The following SUPT3H variants were observed in gnomAD, a reference collection of about 807,000 sequenced individuals.
The protein encoded by SUPT3H is SPT3 homolog, SAGA and STAGA complex component.
A neutral mutation model predicts 44.3 loss-of-function variants in SUPT3H; 44 were observed. That is an observed-to-expected ratio of 0.99 (90% CI 0.78 to 1.28). The LOEUF (loss-of-function observed/expected upper bound fraction) is 1.28. SUPT3H is among the 50% of genes most tolerant of loss of function. The probability of loss-of-function intolerance (pLI) is 0.00; values close to 1 mark genes in which losing one functional copy is unlikely to be tolerated. For missense variants in SUPT3H, 380 were observed against 387.1 expected (o/e 0.98, Z 0.15); for synonymous variants, 124 against 125.6 (o/e 0.99, Z 0.09).
At chr6:44,821,330 T>C (rs1180930937) in intron 11 of SUPT3H, among the ~76,000 whole-genome samples, 2 of 152,228 alleles carry the variant, frequency 1.3e-5, no homozygotes, top group Non-Finnish European at 2.9e-5. Flanking sequence ...ATACCATTAA[T>C]GTGATAATTG....
chr6:44,867,140 T>C (rs1218130299), intron 10 of SUPT3H, among the ~76,000 whole-genome samples: 1 of 151,856 alleles, frequency 6.6e-6, no homozygotes, highest in Non-Finnish European at 1.5e-5. Context: ...CAGTTACTTA[T>C]AAAGGAAGAT....
At chr6:45,369,953 A>C (rs563498961) in intron 1 of SUPT3H, among the ~76,000 whole-genome samples, 237 of 152,330 alleles carry the variant, frequency 1.6e-3, no homozygotes, top group African/African-American at 5.4e-3. Flanking sequence ...GGCTAGAAAG[A>C]TATGAACACA....
At chr6:45,214,882 G>A (rs144760578) in intron 2 of SUPT3H, among the ~76,000 whole-genome samples, 4 of 152,128 alleles carry the variant, frequency 2.6e-5, no homozygotes, top group East Asian at 1.9e-4. Context: ...ACCCCCTCAC[G>A]ACCGAGAGTC....
intron 3 of SUPT3H, among the ~76,000 whole-genome samples, chr6:45,053,914 CA>C (rs56734466): frequency 0.048 from 3,839 of 79,656 alleles, 176 homozygotes; most frequent in African/African-American, 0.15. Context: ...GACTCCGTCT[CA>C]AAAAAAAAAA....
intron 2 of SUPT3H, among the ~76,000 whole-genome samples, chr6:45,320,471 G>T (rs1285979782): frequency 6.6e-6 from 1 of 150,826 alleles, no homozygotes; most frequent in Non-Finnish European, 1.5e-5. Context: ...TAGACATGGG[G>T]TCTCACCATG....
intron 10 of SUPT3H, among the ~76,000 whole-genome samples, chr6:44,881,158 A>C (rs201398168): frequency 6.6e-6 from 1 of 152,268 alleles, no homozygotes; most frequent in African/African-American, 2.4e-5. Flanking sequence ...CTCATGTGCA[A>C]AGACACAAAA....
At chr6:45,004,923 C>T (rs1020270747) in intron 5 of SUPT3H, among the ~76,000 whole-genome samples, 18 of 152,232 alleles carry the variant, frequency 1.2e-4, no homozygotes, top group Admixed American at 3.3e-4. Flanking sequence ...CACAGCTTTC[C>T]AGCCAATCCC....
At chr6:45,015,489 T>C (rs1784110104) in intron 4 of SUPT3H, among the ~76,000 whole-genome samples, 1 of 152,080 alleles carries the variant, frequency 6.6e-6, no homozygotes, top group South Asian at 2.1e-4. Context: ...CCTAGGACAT[T>C]ACTGCATGCT....
chr6:44,856,007 C>T (rs923192180), intron 10 of SUPT3H, among the ~76,000 whole-genome samples: 4 of 152,100 alleles, frequency 2.6e-5, no homozygotes, highest in South Asian at 2.1e-4. Context: ...ACAGGAAGTT[C>T]GGTCCTCTTT....
intron 2 of SUPT3H, among the ~76,000 whole-genome samples, chr6:45,211,520 G>A (rs1053827869): frequency 2.0e-5 from 3 of 151,968 alleles, no homozygotes; most frequent in South Asian, 2.1e-4. Flanking sequence ...CATCTCCTTC[G>A]GTATTTGTCC....
At chr6:44,847,958 C>CTTTTTTTTTTTT (rs969869912) in intron 10 of SUPT3H, among the ~76,000 whole-genome samples, 2 of 58,348 alleles carry the variant, frequency 3.4e-5, no homozygotes, top group African/African-American at 1.4e-4. Context: ...ATCTCTGTGT[C>CTTTTTTTTTTTT]TTTTTTTTTT....
chr6:44,887,300 A>T (rs985781321), intron 10 of SUPT3H, among the ~76,000 whole-genome samples: 1 of 152,160 alleles, frequency 6.6e-6, no homozygotes, highest in Non-Finnish European at 1.5e-5. Flanking sequence ...CCCACTGCAA[A>T]TCAACAGAAT....
In SUPT3H at chr6:45,094,601, T is replaced by G. The variant is rs539804504; in HGVS notation, c.186+11321A>C. On this transcript the variant is annotated intron_variant, in intron 3 of 10. Coordinates refer to ENST00000371459, the MANE Select transcript of SUPT3H (RefSeq NM_003599.4). ...TTAGCAAACTATCCATGGCAATTGGTGGGGAGAATGTAGCATAAGAGGCAT... is the reference window on the plus strand; with the variant it reads ...TTAGCAAACTATCCATGGCAATTGGGGGGGAGAATGTAGCATAAGAGGCAT... Among the ~76,000 whole-genome samples the G allele has an allele frequency of 4.1e-4, 63 of 152,086 alleles. 1 individual carries two copies. Among genetic ancestry groups the G allele is most frequent in the African/African-American group, 1.4e-3 (59 of 41,534 alleles).
chr6:45,231,659 A>C (rs1427219047), intron 2 of SUPT3H, among the ~76,000 whole-genome samples: 1 of 152,140 alleles, frequency 6.6e-6, no homozygotes, highest in Non-Finnish European at 1.5e-5. Flanking sequence ...AGGAAGTTTT[A>C]ATCTATTAAT....
rs561381487 is a variant in SUPT3H at position 45,020,719 on chromosome 6, C to G, written c.187-87G>C. Reference sequence around the variant, plus strand: ...TGATGTCTCTAAAGAGATAAATATACTAAGAGTTAAAAACCTTTGGGAAAT... The same window carrying G: ...TGATGTCTCTAAAGAGATAAATATAGTAAGAGTTAAAAACCTTTGGGAAAT... On this transcript the variant is annotated intron_variant, in intron 3 of 10. Transcript: ENST00000371459. 2.5e-5 allele frequency: 22 copies of G among 869,814 alleles called. No individual in the cohort carries two copies. The South Asian group carries it at 2.8e-4, about 11-fold the overall frequency. The allele number at this position is 869,814 out of a possible 1,614,324, so 53.9% of individuals were successfully genotyped here.
chr6:44,812,452 T>C (rs1044321681), intron 11 of SUPT3H, among the ~76,000 whole-genome samples: 13 of 152,234 alleles, frequency 8.5e-5, no homozygotes, highest in Non-Finnish European at 4.4e-5. Context: ...TCTTCTGCTT[T>C]TAAGAGCTCA....
chr6:45,312,287 T>A (rs1345325900), intron 2 of SUPT3H, among the ~76,000 whole-genome samples: 1 of 152,084 alleles, frequency 6.6e-6, no homozygotes, highest in Non-Finnish European at 1.5e-5. Context: ...GGTGTGCAGA[T>A]CACGAGGTCA....
chr6:45,012,108 T>TC (rs1213038258), intron 5 of SUPT3H, among the ~76,000 whole-genome samples: 155 of 151,708 alleles, frequency 1.0e-3, no homozygotes, highest in African/African-American at 3.3e-3. Flanking sequence ...TTTTTTTTTT[T>TC]CCCACATTTT....
At chr6:45,115,801 T>C (rs1296968657) in intron 2 of SUPT3H, among the ~76,000 whole-genome samples, 1 of 152,178 alleles carries the variant, frequency 6.6e-6, no homozygotes, top group Non-Finnish European at 1.5e-5. Context: ...GTCTACATCA[T>C]GTCAGGCACT....
Sources: gnomAD v4.1 joint callset for allele counts (sites outside exome capture counted in the v4.1 genomes callset) on GRCh38, gnomAD v4.1.1 for gene constraint, MANE v1.5 for transcripts, NCBI Gene and HGNC (gene_info 2026-07-23, HGNC 2026-07-21) for gene names.